Variants in POM121C observed in about 807,000 individuals in gnomAD.
POM121C encodes POM121 transmembrane nucleoporin C, also known as nuclear envelope pore membrane protein POM 121C.
A neutral mutation model predicts 66.4 loss-of-function variants in POM121C; 20 were observed. The observed-to-expected ratio is 0.30, with a 90% CI of 0.21 to 0.44. The LOEUF is 0.44. POM121C is among the 20% of genes least tolerant of loss of function. The pLI is 1.00. For synonymous variants in POM121C, 286 were observed against 528.0 expected, an observed-to-expected ratio of 0.54 and a Z score of 6.28; for missense variants, 580 against 1,225.7, an observed-to-expected ratio of 0.47 and a Z score of 7.87.
chr7:75,465,858 T>A (rs1377725377), intron 3 of POM121C, among the ~76,000 whole-genome samples: 4 of 115,194 alleles, frequency 3.5e-5, no homozygotes, highest in Non-Finnish European at 6.4e-5. Flanking sequence ...CTCACACCAC[T>A]GCACTCCAGC....
At chr7:75,443,126 C>T (rs1232257294) in intron 3 of POM121C, among the ~76,000 whole-genome samples, 2 of 152,178 alleles carry the variant, frequency 1.3e-5, no homozygotes, top group East Asian at 1.9e-4. Context: ...TTTTCCCCCC[C>T]ACTTCCATTT....
At chr7:75,462,211 C>T (rs62477678) in intron 3 of POM121C, among the ~76,000 whole-genome samples, 10,120 of 126,758 alleles carry the variant, frequency 0.08, 2 homozygotes, top group South Asian at 0.12. Context: ...GGAGTTCTCA[C>T]GAGATCTGAT....
chr7:75,483,516 C>A (rs1201026246), intron 1 of POM121C, among the ~76,000 whole-genome samples: 1 of 152,180 alleles, frequency 6.6e-6, no homozygotes, highest in Non-Finnish European at 1.5e-5. Flanking sequence ...GAGGACTCCT[C>A]AGCCACGCTT....
Position 75,437,682 on chromosome 7 carries a change from C to A in POM121C, c.313G>T (p.Gly105Trp). 6.3e-7 allele frequency: 1 copy of A among 1,595,552 alleles called. No individual in the cohort carries two copies. The highest frequency in any genetic ancestry group is 1.3e-5 in the African/African-American group (1 of 74,182). ...GVPASFVPKP[G>W]SLKRGLNSQS... is the part of the protein sequence containing the mutation. ...GAATTGAGGCCTCTCTTCAGAGACC[C>A]AGGCCTAATAAAAGAGAAGACAGTT... is the stretch of plus-strand genomic sequence containing the variant. Residue 105 changes from glycine (G) to tryptophan (W), a missense_variant, in exon 7 of 15, where the codon GGG (glycine) becomes TGG (tryptophan). Physicochemically the swap from Gly to Trp is radical, Grantham distance 184. Transcript: ENST00000615331.
At chr7:75,424,821 G>T in intron 10 of POM121C, 193 bp from the exon 11 acceptor site, 2 of 1,186,826 alleles carry the variant, frequency 1.7e-6, no homozygotes, top group Non-Finnish European at 2.4e-6. Context: ...TTAGTCAGGC[G>T]TGGTAGCAAG....
chr7:75,440,366 G>C (rs1445122551), intron 5 of POM121C, among the ~76,000 whole-genome samples: 3 of 151,252 alleles, frequency 2.0e-5, no homozygotes, highest in Non-Finnish European at 4.4e-5. Flanking sequence ...AGGAGTTTGA[G>C]ACCATCCTGG....
At chr7:75,439,661 C>T (rs1790556812) in intron 5 of POM121C, among the ~76,000 whole-genome samples, 1 of 152,026 alleles carries the variant, frequency 6.6e-6, no homozygotes, top group Admixed American at 6.5e-5. Context: ...GTTAGGAGTA[C>T]AGGCATGCAC....
At chr7:75,431,074 CAAAAAAAAAAAAAAAAA>C (rs34253601) in intron 7 of POM121C, among the ~76,000 whole-genome samples, 1 of 59,716 alleles carries the variant, frequency 1.7e-5, no homozygotes, top group Non-Finnish European at 2.9e-5. Flanking sequence ...GACTCTGTCT[CAAAAAAAAAAAAAAAAA>C]AAAAAAAAAA....
At position 75,422,895 on chromosome 7, in the gene POM121C, C is replaced by T. The variant is rs374259871; in HGVS notation, c.1357G>A (p.Ala453Thr). The change falls in exon 13 of 15, where the codon GCC (alanine) becomes ACC (threonine). Residue 453 changes from alanine to threonine, a missense_variant. Coordinates refer to ENST00000615331, the MANE Select transcript of POM121C (RefSeq NM_001099415.3). Reference protein sequence around the residue: ...TQNTSPSSPAAPAASSASPMF... With the variant: ...TQNTSPSSPATPAASSASPMF... The stretch of plus-strand genomic sequence containing the variant: ...GGAGATGCTGAAGATGCAGCAGGGG[C>T]GGCAGGGCTGGAAGGTGAGGTGTTC... 1.8e-4 allele frequency: 276 copies of T among 1,565,856 alleles called. No homozygotes were observed. In the African/African-American group the frequency reaches 2.2e-3, roughly 13 times the overall value.
chr7:75,431,676 C>T (rs113298090), intron 7 of POM121C, among the ~76,000 whole-genome samples: 25 of 145,400 alleles, frequency 1.7e-4, no homozygotes, highest in South Asian at 4.5e-4. Context: ...AGCAGCTGGG[C>T]GCAGTGGCTC....
chr7:75,483,808 G>C (rs1180428464), intron 1 of POM121C, among the ~76,000 whole-genome samples: 2 of 151,748 alleles, frequency 1.3e-5, no homozygotes, highest in Non-Finnish European at 2.9e-5. Context: ...CCATTTTAAA[G>C]TATGAATCCT....
At chr7:75,450,894 A>G (rs1269147297) in intron 3 of POM121C, among the ~76,000 whole-genome samples, 1 of 152,242 alleles carries the variant, frequency 6.6e-6, no homozygotes, top group Non-Finnish European at 1.5e-5. Context: ...CAAAGTAACA[A>G]AATAAATTGA....
chr7:75,426,837 G>GA (rs1483462880), intron 7 of POM121C, among the ~76,000 whole-genome samples: 1 of 146,074 alleles, frequency 6.8e-6, no homozygotes, highest in Non-Finnish European at 1.5e-5. Context: ...AAATGAAAAT[G>GA]AAAAAAATTT....
At chr7:75,466,425 G>A (rs1284835709) in intron 3 of POM121C, among the ~76,000 whole-genome samples, 4 of 151,682 alleles carry the variant, frequency 2.6e-5, no homozygotes, top group African/African-American at 7.3e-5. Context: ...GGCCAACATG[G>A]TAAACCTCCA....
Position 75,436,050 on chromosome 7 carries a change from C to CAA in POM121C, c.480+1463_480+1464dup, listed in dbSNP as rs34343428. ...TGGGGAACAGAGTAAGACTCCGTCT[C>CAA]AAAAAAAAAAAAAGAAATTGCATGT... On this transcript the variant is annotated intron_variant, in intron 7 of 14. Transcript: ENST00000615331. 2.4e-3 allele frequency among the ~76,000 whole-genome samples: 330 copies of CAA among 135,938 alleles called. 5 individuals carry two copies. The highest frequency in any genetic ancestry group is 0.024 in the East Asian group (117 of 4,978). The allele number at this position is 135,938 out of a possible 152,430, so 89.2% of individuals were successfully genotyped here. A position where few individuals can be genotyped will look rare whatever the true frequency, so the allele number is the denominator to read the frequency against.
chr7:75,448,748 C>T (rs1264488917), intron 3 of POM121C, among the ~76,000 whole-genome samples: 2 of 147,302 alleles, frequency 1.4e-5, no homozygotes, highest in African/African-American at 5.0e-5. Context: ...TGCAGTGAGC[C>T]GAGATGGCGC....
intron 3 of POM121C, among the ~76,000 whole-genome samples, chr7:75,453,197 G>C (rs1307798802): frequency 2.0e-5 from 3 of 151,322 alleles, no homozygotes; most frequent in Non-Finnish European, 4.4e-5. Flanking sequence ...TTGGGAGGCT[G>C]AGGTAGGAGG....
rs1244455959 is a variant in POM121C at position 75,474,879 on chromosome 7, T to C, written c.-327A>G. ...CGAAGTACAAGATGTTGCCACCTCA[T>C]AAGCTGCATAACAGAAATGCTCCAT... On this transcript the variant is annotated 5_prime_UTR_variant, in exon 3 of 15. It removes an upstream start codon present in the reference 5' UTR. Coordinates refer to ENST00000615331, the MANE Select transcript of POM121C (RefSeq NM_001099415.3). The C allele has an allele frequency of 8.8e-7, 1 of 1,130,684 alleles. No individual in the cohort carries two copies. The highest frequency in any genetic ancestry group is 1.3e-6 in the Non-Finnish European group (1 of 765,632). 70.0% of individuals were successfully genotyped at this position (1,130,684 alleles called of 1,614,324 possible).
chr7:75,440,294 G>A (rs1338490707), intron 5 of POM121C, among the ~76,000 whole-genome samples: 7 of 151,230 alleles, frequency 4.6e-5, no homozygotes, highest in East Asian at 2.0e-4. Flanking sequence ...TGGGCCGGGC[G>A]CCATGGCTCA....
Sources: allele counts gnomAD v4.1 joint callset (sites outside exome capture counted in the v4.1 genomes callset), GRCh38; gene constraint gnomAD v4.1.1; transcripts MANE v1.5; gene names NCBI Gene and HGNC (gene_info 2026-07-23, HGNC 2026-07-21).